SNRPB: variants seen among roughly 807,000 people sequenced by gnomAD.
The protein encoded by SNRPB is small nuclear ribonucleoprotein-associated proteins B and B'.
SNRPB carries 5 observed loss-of-function variants against 26.6 expected under a neutral mutation model. The observed-to-expected ratio is 0.19, with a 90% CI of 0.10 to 0.39. The LOEUF (loss-of-function observed/expected upper bound fraction) is 0.39, where lower values mean the gene tolerates loss of function less well. Ranked by LOEUF, SNRPB falls within the 10% of genes least tolerant of loss-of-function variation. The pLI is 1.00. For missense variants in SNRPB, 211 were observed against 311.9 expected (o/e 0.68, Z 2.44); for synonymous variants, 122 against 105.8 (o/e 1.15, Z -0.94).
At position 2,462,703 on chromosome 20, in the gene SNRPB, G is replaced by C. The variant is rs754484217; in HGVS notation, c.618C>G (p.Pro206=). ...TGCCCATTGGAGTCCCTCTTCCAGG[G>C]GGGATCCCCATTGGGGGACCCATAG... ...RPPMGPPMGI[P]PGRGTPMGMP... Residue 206 remains proline, a synonymous_variant, in exon 6 of 7, where the codon CCC becomes CCG. Coordinates refer to ENST00000381342, the MANE Select transcript of SNRPB (RefSeq NM_003091.4). 2.5e-6 allele frequency: 4 copies of C among 1,598,490 alleles called. No homozygotes were observed. In the African/African-American group the frequency reaches 4.0e-5, roughly 16 times the overall value.
At position 2,467,590 on chromosome 20, in the gene SNRPB, C is replaced by T; in HGVS notation, c.155+17G>A. 6.2e-7 allele frequency: 1 copy of T among 1,612,160 alleles called. No homozygotes were observed. Among genetic ancestry groups the T allele is most frequent in the Non-Finnish European group, 8.5e-7 (1 of 1,178,554 alleles). ...TTCCCATCCTCCAGTCTCCGCCCCC[C>T]ACAGTCCACTCCTCACTTGATCTTT... is the stretch of plus-strand genomic sequence containing the variant. On this transcript the variant is annotated intron_variant, in intron 2 of 6. Coordinates refer to ENST00000381342, the MANE Select transcript of SNRPB (RefSeq NM_003091.4).
chr20:2,462,687 G>T lies in SNRPB; in HGVS notation c.634C>A (p.Pro212Thr). 1 of 1,608,388 alleles carries T rather than the reference G, an allele frequency of 6.2e-7. No individual in the cohort carries two copies. Among genetic ancestry groups the T allele is most frequent in the Non-Finnish European group, 8.5e-7 (1 of 1,175,436 alleles). ...ATTCCCGGAGGGGGCATGCCCATTGGAGTCCCTCTTCCAGGGGGGATCCCC... is the reference window on the plus strand; with the variant it reads ...ATTCCCGGAGGGGGCATGCCCATTGTAGTCCCTCTTCCAGGGGGGATCCCC... Reference protein sequence around the residue: ...PMGIPPGRGTPMGMPPPGMRP... With the variant: ...PMGIPPGRGTTMGMPPPGMRP... The change falls in exon 6 of 7, where the codon CCA becomes ACA. Residue 212 changes from proline to threonine, a missense_variant. Transcript: ENST00000381342.
chr20:2,468,438 G>A (rs2085088362), intron 1 of SNRPB, among the ~76,000 whole-genome samples: 1 of 152,180 alleles, frequency 6.6e-6, no homozygotes, highest in Admixed American at 6.5e-5. Flanking sequence ...ATCACTTTGT[G>A]AACTGTCAGG....
At chr20:2,466,304 C>T (rs1351345873) in intron 2 of SNRPB, among the ~76,000 whole-genome samples, 4 of 152,044 alleles carry the variant, frequency 2.6e-5, no homozygotes, top group African/African-American at 9.7e-5. Context: ...ATAGGAGAAG[C>T]CATAGAAGGA....
At chr20:2,465,194 T>A (rs1182942321) in intron 3 of SNRPB, among the ~76,000 whole-genome samples, 1 of 152,210 alleles carries the variant, frequency 6.6e-6, no homozygotes. Context: ...ATACACACAT[T>A]TCCTATTGTT....
chr20:2,462,057 G>T, intron 6 of SNRPB, 118 bp from the exon 7 acceptor site: 1 of 694,942 alleles, frequency 1.4e-6, no homozygotes, highest in South Asian at 1.8e-5. Context: ...CATGGCATAT[G>T]TGCTAACTAG....
At chr20:2,466,976 C>A (rs764214110) in intron 2 of SNRPB, among the ~76,000 whole-genome samples, 15 of 152,218 alleles carry the variant, frequency 9.9e-5, no homozygotes, top group Non-Finnish European at 1.6e-4. Flanking sequence ...GTCACATCAT[C>A]TTTTTGTGCC....
chr20:2,467,544 T>C, intron 2 of SNRPB, 63 bp downstream of exon 2: 3 of 1,513,324 alleles, frequency 2.0e-6, no homozygotes, highest in Non-Finnish European at 2.7e-6. Flanking sequence ...CCTCTATTGC[T>C]TGGCCCACCC....
At chr20:2,466,194 C>T (rs1048995457) in intron 2 of SNRPB, among the ~76,000 whole-genome samples, 4 of 152,150 alleles carry the variant, frequency 2.6e-5, no homozygotes, top group African/African-American at 4.8e-5. Flanking sequence ...TAAACAATTC[C>T]AATCAAATGA....
Position 2,463,268 on chromosome 20 carries a change from C to T in SNRPB, c.421-41G>A, listed in dbSNP as rs2085048595. On this transcript the variant is annotated intron_variant, in intron 4 of 6. Transcript: ENST00000381342. This position sits in a 1 kb window ranked among gnomAD's most constrained non-coding sequence, Gnocchi z 5.0. ...AAGAAAGAGTTAGAAGAGTACAGTA[C>T]AATGCAGCTTCCCACTCTCCTCCCC... The T allele has an allele frequency of 1.9e-6, 3 of 1,540,750 alleles. 1 individual carries two copies. The highest frequency in any genetic ancestry group is 3.4e-4 in the Middle Eastern group (2 of 5,890).
intron 1 of SNRPB, among the ~76,000 whole-genome samples, chr20:2,470,271 A>T (rs1600004250): frequency 7.2e-6 from 1 of 139,364 alleles, no homozygotes; most frequent in Admixed American, 7.4e-5. Context: ...CCTTCCACCC[A>T]CTTCCGCCAA....
Position 2,463,077 on chromosome 20 carries a change from T to C in SNRPB, c.559+12A>G, listed in dbSNP as rs746112809. Reference sequence around the variant, plus strand: ...CTATCAATTAGCACTGGTCTCCTTATGGGCTCCTCACCTGGAGGGGGTGCT... The same window carrying C: ...CTATCAATTAGCACTGGTCTCCTTACGGGCTCCTCACCTGGAGGGGGTGCT... On this transcript the variant is annotated intron_variant, in intron 5 of 6. Coordinates refer to ENST00000381342, the MANE Select transcript of SNRPB (RefSeq NM_003091.4). This position sits in a 1 kb window ranked among gnomAD's most constrained non-coding sequence, Gnocchi z 5.0. 2.0e-6 allele frequency: 3 copies of C among 1,538,104 alleles called. No individual in the cohort carries two copies. The highest frequency in any genetic ancestry group is 4.2e-5 in the Admixed American group (2 of 47,592).
At position 2,463,240 on chromosome 20, in the gene SNRPB, A is replaced by T. The variant is rs1395139311; in HGVS notation, c.421-13T>A. The T allele has an allele frequency of 6.9e-6, 11 of 1,604,556 alleles. No homozygotes were observed. The highest frequency in any genetic ancestry group is 2.6e-6 in the Non-Finnish European group (3 of 1,172,102). Reference sequence around the variant, plus strand: ...GTGGGGTCATCACCTAAGAGGACATAAGAAGAAAGAGTTAGAAGAGTACAG... The same window carrying T: ...GTGGGGTCATCACCTAAGAGGACATTAGAAGAAAGAGTTAGAAGAGTACAG... On this transcript the variant is annotated splice_polypyrimidine_tract_variant and intron_variant, in intron 4 of 6. Coordinates refer to ENST00000381342, the MANE Select transcript of SNRPB (RefSeq NM_003091.4). This position sits in a 1 kb window ranked among gnomAD's most constrained non-coding sequence, Gnocchi z 5.0.
In SNRPB at chr20:2,461,733, A is replaced by T. The variant is rs1212463612; in HGVS notation, c.*196T>A. On this transcript the variant is annotated 3_prime_UTR_variant, in exon 7 of 7. Transcript: ENST00000381342. ...ACAGCCTTACGGGAAACAGGCAGGG[A>T]GCTGAGGAGGGCCAAGATGAGTCTA... The T allele has an allele frequency of 6.4e-7, 1 of 1,561,042 alleles. No individual in the cohort carries two copies. The highest frequency in any genetic ancestry group is 8.7e-7 in the Non-Finnish European group (1 of 1,150,156).
chr20:2,463,079 G>C lies in SNRPB; in HGVS notation c.559+10C>G, dbSNP rs929910057. The C allele has an allele frequency of 1.1e-5, 17 of 1,547,688 alleles. No individual in the cohort carries two copies. Among genetic ancestry groups the C allele is most frequent in the Non-Finnish European group, 1.3e-5 (15 of 1,151,232 alleles). ...ATCAATTAGCACTGGTCTCCTTATG[G>C]GCTCCTCACCTGGAGGGGGTGCTCC... On this transcript the variant is annotated intron_variant, in intron 5 of 6. Transcript: ENST00000381342. This position sits in a 1 kb window ranked among gnomAD's most constrained non-coding sequence, Gnocchi z 5.0.
chr20:2,465,858 G>A (rs371289336), intron 2 of SNRPB, 39 bp from the exon 3 acceptor site: 26 of 1,531,362 alleles, frequency 1.7e-5, no homozygotes, highest in Middle Eastern at 1.7e-4. Context: ...AAGTGTTAGA[G>A]GTGGGTAAAG....
rs114385426 is a variant in SNRPB at position 2,464,718 on chromosome 20, G to A, written c.268-819C>T. Reference sequence around the variant, plus strand: ...ATTATTCTCTTTTGATTAAAATAACGTCTTGGCAGGGCGTGGTGGCTCACA... The same window carrying A: ...ATTATTCTCTTTTGATTAAAATAACATCTTGGCAGGGCGTGGTGGCTCACA... On this transcript the variant is annotated intron_variant, in intron 3 of 6. Transcript: ENST00000381342. 5.2e-3 allele frequency among the ~76,000 whole-genome samples: 785 copies of A among 152,120 alleles called. 5 individuals carry two copies. Among genetic ancestry groups the A allele is most frequent in the African/African-American group, 0.018 (742 of 41,500 alleles).
At chr20:2,464,981 C>T (rs950907221) in intron 3 of SNRPB, among the ~76,000 whole-genome samples, 5 of 151,968 alleles carry the variant, frequency 3.3e-5, no homozygotes, top group African/African-American at 1.2e-4. Context: ...TTGGTGTTTA[C>T]AGAATCAAGA....
In SNRPB at chr20:2,470,769, C is replaced by A; in HGVS notation, c.-79G>T. On this transcript the variant is annotated 5_prime_UTR_variant, in exon 1 of 7. Transcript: ENST00000381342. ...AGCCTCTCTCCCACAGCCGATTTCCCGCCGCCGCTACCGGAAATGCAGCAC... is the reference window on the plus strand; with the variant it reads ...AGCCTCTCTCCCACAGCCGATTTCCAGCCGCCGCTACCGGAAATGCAGCAC... The A allele has an allele frequency of 1.3e-6, 2 of 1,560,210 alleles. No homozygotes were observed. The highest frequency in any genetic ancestry group is 1.8e-6 in the Non-Finnish European group (2 of 1,136,118).
Sources: gnomAD v4.1 joint callset for allele counts (sites outside exome capture counted in the v4.1 genomes callset) on GRCh38, gnomAD v4.1.1 for gene constraint, Gnocchi (gnomAD v3.1) non-coding constraint, MANE v1.5 for transcripts, NCBI Gene and HGNC (gene_info 2026-07-23, HGNC 2026-07-21) for gene names.